Variants in PRDM2 observed in about 807,000 individuals in gnomAD.
PRDM2 encodes the protein PR domain zinc finger protein 2.
In PRDM2, 30 loss-of-function variants were observed where a neutral mutation model predicts 130.0. The ratio of observed to expected loss-of-function variants is 0.23; its 90% CI spans 0.17 to 0.31. The LOEUF is 0.31. Ranked by LOEUF, PRDM2 falls within the 10% of genes least tolerant of loss-of-function variation. The pLI is 1.00. For missense variants in PRDM2, 2,011 were observed against 2,108.4 expected (o/e 0.95, Z 0.90); for synonymous variants, 871 against 782.4 (o/e 1.11, Z -1.89).
At chr1:13,723,233 C>G (rs1028142251) in intron 2 of PRDM2, among the ~76,000 whole-genome samples, 8 of 152,188 alleles carry the variant, frequency 5.3e-5, no homozygotes, top group Non-Finnish European at 1.2e-4. Context: ...CCCTGCCATC[C>G]TAACTAAAGC....
rs189212919 is a variant in PRDM2, at chr1:13,706,393, A to C, written c.-66+6093A>C. ...CTTCTTAGTCCATCCCAGGTGCTAA[A>C]GCTGCCTTCCTTCTGGGCTGCTATG... On this transcript the variant is annotated intron_variant, in intron 1 of 9. Coordinates refer to ENST00000311066, the MANE Select transcript of PRDM2 (RefSeq NM_001393986.1). Among the ~76,000 whole-genome samples, 5 of 152,358 alleles carry C rather than the reference A, an allele frequency of 3.3e-5. No individual in the cohort carries two copies. In the East Asian group the frequency reaches 9.6e-4, roughly 29 times the overall value.
chr1:13,715,703 A>G, intron 2 of PRDM2, 89 bp downstream of exon 2: 1 of 1,178,186 alleles, frequency 8.5e-7, no homozygotes, highest in Non-Finnish European at 1.2e-6. Context: ...ACACACATTC[A>G]TTTCTCCTGG....
chr1:13,819,836 C>G (rs1645320168), intron 9 of PRDM2, among the ~76,000 whole-genome samples: 3 of 152,176 alleles, frequency 2.0e-5, no homozygotes, highest in Admixed American at 1.3e-4. Context: ...GTCCACTCAT[C>G]TCATCGTGAG....
chr1:13,764,027 C>T (rs973373774), intron 6 of PRDM2, among the ~76,000 whole-genome samples: 3 of 152,054 alleles, frequency 2.0e-5, no homozygotes, highest in African/African-American at 7.2e-5. Flanking sequence ...AATTTTTACT[C>T]CTTGAAAATA....
chr1:13,717,500 A>G (rs142046737), intron 2 of PRDM2: 8,586 of 856,062 alleles, frequency 0.01, 39 homozygotes, highest in Non-Finnish European at 0.011. Context: ...CATTTATTTG[A>G]TATGTCTACA....
intron 2 of PRDM2, among the ~76,000 whole-genome samples, chr1:13,722,693 C>T (rs1228523592): frequency 6.6e-6 from 1 of 152,166 alleles, no homozygotes; most frequent in African/African-American, 2.4e-5. Flanking sequence ...TCCCCACCCT[C>T]ACCCATTCCC....
intron 2 of PRDM2, among the ~76,000 whole-genome samples, chr1:13,728,754 C>G (rs1354608200): frequency 6.6e-6 from 1 of 152,058 alleles, no homozygotes; most frequent in Non-Finnish European, 1.5e-5. Context: ...AACAGATAAA[C>G]AAATACATAG....
chr1:13,749,876 C>T (rs1359378437), intron 6 of PRDM2, among the ~76,000 whole-genome samples: 1 of 152,112 alleles, frequency 6.6e-6, no homozygotes, highest in East Asian at 1.9e-4. Context: ...GGCGGGCGCC[C>T]GAGCTTTCTC....
At chr1:13,789,259 C>T (rs1402492972) in intron 8 of PRDM2, among the ~76,000 whole-genome samples, 4 of 152,234 alleles carry the variant, frequency 2.6e-5, no homozygotes, top group Non-Finnish European at 2.9e-5. Flanking sequence ...ACCATTGAAA[C>T]ATTTCACAGT....
chr1:13,746,353 ATATAT>A (rs926064970), intron 5 of PRDM2, among the ~76,000 whole-genome samples: 6 of 151,794 alleles, frequency 4.0e-5, no homozygotes, highest in African/African-American at 7.2e-5. Context: ...AAAAAAACCA[ATATAT>A]TATAATATGG....
At chr1:13,787,611 T>G (rs1216818436) in intron 8 of PRDM2, 5 of 973,144 alleles carry the variant, frequency 5.1e-6, no homozygotes, top group African/African-American at 3.5e-5. Flanking sequence ...TGTTGAAATA[T>G]TGTATAAAGC....
intron 8 of PRDM2, chr1:13,787,804 C>G: frequency 3.1e-6 from 3 of 980,778 alleles, no homozygotes; most frequent in Non-Finnish European, 3.6e-6. Flanking sequence ...CTATAAAAGA[C>G]TATTCTAATG....
intron 8 of PRDM2, among the ~76,000 whole-genome samples, chr1:13,788,670 A>G (rs545564541): frequency 1.3e-5 from 2 of 152,316 alleles, no homozygotes; most frequent in Admixed American, 1.3e-4. Context: ...GGTTGGTGGG[A>G]ATCTGGAACT....
At chr1:13,811,312 C>T (rs78798027) in intron 8 of PRDM2, among the ~76,000 whole-genome samples, 1,922 of 152,302 alleles carry the variant, frequency 0.013, 41 homozygotes, top group African/African-American at 0.043. Flanking sequence ...GGCAATGGCT[C>T]GTTAACGCTT....
intron 5 of PRDM2, among the ~76,000 whole-genome samples, chr1:13,747,145 C>T (rs866799723): frequency 2.0e-5 from 3 of 152,156 alleles, no homozygotes; most frequent in Non-Finnish European, 2.9e-5. Flanking sequence ...TGAAAATGTC[C>T]GGTGGTATCT....
At chr1:13,784,403 C>T (rs1644691620) in intron 8 of PRDM2, among the ~76,000 whole-genome samples, 1 of 152,196 alleles carries the variant, frequency 6.6e-6, no homozygotes, top group African/African-American at 2.4e-5. Context: ...AAACACCTCC[C>T]AGGCGGTTGA....
At chr1:13,750,120 A>G (rs915942498) in intron 6 of PRDM2, among the ~76,000 whole-genome samples, 4 of 152,228 alleles carry the variant, frequency 2.6e-5, no homozygotes, top group African/African-American at 7.2e-5. Context: ...CTCAATTCTC[A>G]TAGTTTTACG....
chr1:13,780,855 T>G lies in PRDM2; in HGVS notation c.3060T>G (p.Leu1020=), dbSNP rs1401127168. 5.0e-6 allele frequency: 8 copies of G among 1,608,712 alleles called. No individual in the cohort carries two copies. Among genetic ancestry groups the G allele is most frequent in the Non-Finnish European group, 1.7e-6 (2 of 1,176,740 alleles). The change falls in exon 8 of 10, where the codon CTT becomes CTG. Residue 1020 remains leucine (L), a synonymous_variant. Transcript: ENST00000311066. The stretch of plus-strand genomic sequence containing the variant: ...CAAATGCCACCGCACAGTCCCCACT[T>G]CCAATTCTGTCCCCAACAGTGTCCC... The part of the protein sequence containing the change: ...PLSNATAQSP[L]PILSPTVSPS...
Position 13,781,089 on chromosome 1 carries a change from A to G in PRDM2, c.3294A>G (p.Ile1098Met), listed in dbSNP as rs752641873. ...GDNLEASLPM[I>M]SFKQEELENE... ...ATCTGGAGGCTTCTCTCCCCATGAT[A>G]TCTTTCAAACAGGAGGAATTAGAGA... Residue 1098 changes from isoleucine to methionine, a missense_variant, in exon 8 of 10, where the codon ATA becomes ATG. Transcript: ENST00000311066. The surrounding 1 kb of genome is among the most constrained non-coding windows in gnomAD (Gnocchi z 6.1). 6 of 1,613,574 alleles carry G rather than the reference A, an allele frequency of 3.7e-6. No homozygotes were observed. The highest frequency in any genetic ancestry group is 5.1e-6 in the Non-Finnish European group (6 of 1,179,700).
Sources: gnomAD v4.1 joint callset for allele counts (sites outside exome capture counted in the v4.1 genomes callset) on GRCh38, gnomAD v4.1.1 for gene constraint, Gnocchi (gnomAD v3.1) non-coding constraint, MANE v1.5 for transcripts, NCBI Gene and HGNC (gene_info 2026-07-23, HGNC 2026-07-21) for gene names.